DNAJC2: variants seen among roughly 807,000 people sequenced by gnomAD.
DNAJC2 encodes DnaJ heat shock protein family (Hsp40) member C2.
A neutral mutation model predicts 94.0 loss-of-function variants in DNAJC2; 32 were observed. The observed-to-expected ratio is 0.34, with a 90% confidence interval of 0.26 to 0.46. The LOEUF is 0.46. Among genes scored for constraint, DNAJC2 ranks in the 20% least tolerant of loss-of-function variants. The pLI is 1.00. For synonymous variants in DNAJC2, 210 were observed against 229.7 expected, an observed-to-expected ratio of 0.91 and a Z score of 0.77; for missense variants, 550 against 719.5, an observed-to-expected ratio of 0.76 and a Z score of 2.69.
At chr7:103,314,207 CCT>C in intron 15 of DNAJC2, 5 of 985,290 alleles carry the variant, frequency 5.1e-6, no homozygotes, top group Non-Finnish European at 6.0e-6. Context: ...GATTTTATTT[CCT>C]CTCTTGGAAA....
rs1473456169 is a variant in DNAJC2 at position 103,320,766 on chromosome 7, T to C, written c.1084-922A>G. ...CACAAAATATATATATATACACATA[T>C]ATATATATATATATATATTCTGAAA... On this transcript the variant is annotated intron_variant, in intron 10 of 16. Coordinates refer to ENST00000379263, the MANE Select transcript of DNAJC2 (RefSeq NM_014377.3). 1,119 of 137,874 alleles carry C rather than the reference T, an allele frequency of 8.1e-3. 8 individuals are homozygous for C. Among genetic ancestry groups the C allele is most frequent in the African/African-American group, 0.021 (670 of 31,650 alleles). 8.5% of individuals were successfully genotyped at this position (137,874 alleles called of 1,614,324 possible).
intron 3 of DNAJC2, 66 bp from the exon 4 acceptor site, chr7:103,327,820 G>A: frequency 1.0e-6 from 1 of 953,908 alleles, no homozygotes; most frequent in Non-Finnish European, 1.6e-6. Context: ...TGAGCTACAT[G>A]TAGACCATTT....
At chr7:103,342,065 C>G (rs1188441262) in intron 1 of DNAJC2, 111 bp from the exon 2 acceptor site, 1 of 750,288 alleles carries the variant, frequency 1.3e-6, no homozygotes, top group African/African-American at 1.8e-5. Context: ...CCAGCATATA[C>G]TTTTAAAACC....
intron 13 of DNAJC2, 129 bp downstream of exon 13, chr7:103,316,701 A>C: frequency 1.3e-6 from 1 of 769,158 alleles, no homozygotes; most frequent in Non-Finnish European, 2.1e-6. Context: ...CACTTTTCAC[A>C]CTTTTCTGCT....
intron 5 of DNAJC2, 53 bp from the exon 6 acceptor site, chr7:103,324,615 G>A: frequency 7.7e-7 from 1 of 1,305,550 alleles, no homozygotes; most frequent in Non-Finnish European, 1.0e-6. Flanking sequence ...ATGTACAACA[G>A]TTCAACAAAC....
chr7:103,328,715 G>A (rs111848418), intron 3 of DNAJC2, among the ~76,000 whole-genome samples: 13 of 152,090 alleles, frequency 8.5e-5, no homozygotes, highest in African/African-American at 2.7e-4. Context: ...ACATTATAGC[G>A]TTTGCATTTT....
chr7:103,337,373 AAAAAACC>A (rs1294825071), intron 3 of DNAJC2: 2 of 165,282 alleles, frequency 1.2e-5, no homozygotes, highest in Non-Finnish European at 2.6e-5. Context: ...TAACGTAAAA[AAAAAACC>A]AAAAACCAAA....
rs754783348 is a variant in DNAJC2, at chr7:103,337,713, T to C, written c.331+23A>G. On this transcript the variant is annotated intron_variant, in intron 3 of 16. Coordinates refer to ENST00000379263, the MANE Select transcript of DNAJC2 (RefSeq NM_014377.3). ...TGTTCCTATACAAGATATTTGATTA[T>C]TTCAAAATAACTAAGTACTTACGAG... is the stretch of plus-strand genomic sequence containing the variant. 9.7e-5 allele frequency: 153 copies of C among 1,585,286 alleles called. 1 individual carries two copies. The highest frequency in any genetic ancestry group is 1.2e-4 in the Non-Finnish European group (144 of 1,154,726).
chr7:103,325,461 A>AG (rs397808523), intron 5 of DNAJC2, among the ~76,000 whole-genome samples: 3 of 151,310 alleles, frequency 2.0e-5, no homozygotes, highest in Admixed American at 6.6e-5. Flanking sequence ...AAAAAAAAAA[A>AG]CCAAAAAACA....
At chr7:103,333,285 C>G (rs1819044413) in intron 3 of DNAJC2, among the ~76,000 whole-genome samples, 1 of 152,080 alleles carries the variant, frequency 6.6e-6, no homozygotes, top group East Asian at 1.9e-4. Flanking sequence ...TATCTTTTCC[C>G]TCTTTTGAAA....
chr7:103,315,923 T>C (rs1818028323), intron 14 of DNAJC2, 52 bp from the exon 15 acceptor site: 2 of 1,550,974 alleles, frequency 1.3e-6, no homozygotes, highest in East Asian at 4.5e-5. Context: ...TAATCTTTCA[T>C]TAAATTGCAT....
Position 103,313,104 on chromosome 7 carries a change from G to T in DNAJC2, c.1637-3C>A. ...AGGGGTGAAGTCTGTATATGGACCT[G>T]ATTAAGAAAAATTTTTATTTGAAAA... On this transcript the variant is annotated splice_polypyrimidine_tract_variant and splice_region_variant and intron_variant, in intron 15 of 16. Coordinates refer to ENST00000379263, the MANE Select transcript of DNAJC2 (RefSeq NM_014377.3). 1 of 1,593,942 alleles carries T rather than the reference G, an allele frequency of 6.3e-7. No individual in the cohort carries two copies. Among genetic ancestry groups the T allele is most frequent in the Non-Finnish European group, 8.5e-7 (1 of 1,174,018 alleles).
intron 1 of DNAJC2, among the ~76,000 whole-genome samples, chr7:103,342,174 G>C (rs1375147871): frequency 6.6e-6 from 1 of 151,914 alleles, no homozygotes; most frequent in Non-Finnish European, 1.5e-5. Flanking sequence ...ACCTCTTCCA[G>C]TTATCTGACA....
intron 1 of DNAJC2, 158 bp downstream of exon 1, chr7:103,344,401 C>T: frequency 1.3e-6 from 1 of 745,098 alleles, no homozygotes; most frequent in Non-Finnish European, 2.2e-6. Context: ...GGTAGGATTA[C>T]TTTAAAACAC....
intron 2 of DNAJC2, among the ~76,000 whole-genome samples, chr7:103,341,457 G>T (rs57016147): frequency 0.036 from 5,527 of 152,182 alleles, 198 homozygotes; most frequent in East Asian, 0.19. Context: ...ACTCCTTTGT[G>T]TCTTTGTATA....
At chr7:103,337,496 C>A in intron 3 of DNAJC2, 1 of 389,064 alleles carries the variant, frequency 2.6e-6, no homozygotes, top group Non-Finnish European at 4.6e-6. Context: ...TTTGTATCCA[C>A]ACACACACAC....
intron 14 of DNAJC2, 45 bp downstream of exon 14, chr7:103,315,943 T>TAA: frequency 6.4e-7 from 1 of 1,551,568 alleles, no homozygotes; most frequent in Non-Finnish European, 8.8e-7. Context: ...TAAGTTATTT[T>TAA]AAAAATAGGT....
Position 103,324,384 on chromosome 7 carries a change from A to G in DNAJC2, c.653+98T>C, listed in dbSNP as rs191449787. The G allele has an allele frequency of 3.0e-5, 33 of 1,103,522 alleles. No homozygotes were observed. In the African/African-American group the frequency reaches 4.9e-4, roughly 17 times the overall value. The allele number at this position is 1,103,522 out of a possible 1,614,324, so 68.4% of individuals were successfully genotyped here. A position where few individuals can be genotyped will look rare whatever the true frequency, so the allele number is the denominator to read the frequency against. ...GCTTTTGTTCAGTGAAGGTTCTGCA[A>G]TTTGTCCATCTGAATTAATTTATAA... is the stretch of plus-strand genomic sequence containing the variant. On this transcript the variant is annotated intron_variant, in intron 6 of 16. Transcript: ENST00000379263.
chr7:103,331,692 C>T (rs1341770702), intron 3 of DNAJC2, among the ~76,000 whole-genome samples: 1 of 152,150 alleles, frequency 6.6e-6, no homozygotes, highest in Non-Finnish European at 1.5e-5. Flanking sequence ...ACGTTTCATT[C>T]TTTTTTATGG....
Sources: allele counts gnomAD v4.1 joint callset (sites outside exome capture counted in the v4.1 genomes callset), GRCh38; gene constraint gnomAD v4.1.1; transcripts MANE v1.5; gene names NCBI Gene and HGNC (gene_info 2026-07-23, HGNC 2026-07-21).